The following RFC1 variants were observed in gnomAD, a reference collection of about 807,000 sequenced individuals.
RFC1 encodes A1 140 kDa subunit.
In RFC1, 37 loss-of-function variants were observed where a neutral mutation model predicts 137.4. The ratio of observed to expected loss-of-function variants is 0.27; its 90% confidence interval spans 0.21 to 0.35. RFC1 has a LOEUF of 0.35. Among genes scored for constraint, RFC1 ranks in the 10% least tolerant of loss-of-function variants. The pLI is 1.00. For missense variants in RFC1, 1,205 were observed against 1,358.5 expected, an observed-to-expected ratio of 0.89 and a Z score of 1.78; for synonymous variants, 429 against 455.7, an observed-to-expected ratio of 0.94 and a Z score of 0.75.
rs777645639 is a variant in RFC1, at chr4:39,302,489, A to T, written c.2436+11T>A. 1 of 1,559,986 alleles carries T rather than the reference A, an allele frequency of 6.4e-7. No homozygotes were observed. The highest frequency in any genetic ancestry group is 1.1e-5 in the South Asian group (1 of 89,416). ...AATCAACAACTGTTACATGATATATATTTAATTTACCTGTCTGATATCTTG... is the reference window on the plus strand; with the variant it reads ...AATCAACAACTGTTACATGATATATTTTTAATTTACCTGTCTGATATCTTG... On this transcript the variant is annotated intron_variant, in intron 18 of 24. Coordinates refer to ENST00000349703, the MANE Select transcript of RFC1 (RefSeq NM_002913.5).
At chr4:39,308,377 C>A (rs530745824) in intron 13 of RFC1, among the ~76,000 whole-genome samples, 5 of 152,308 alleles carry the variant, frequency 3.3e-5, no homozygotes, top group African/African-American at 1.2e-4. Flanking sequence ...CCTGGACTTA[C>A]CCCTCTAGCA....
At position 39,287,627 on chromosome 4, in the gene RFC1, T is replaced by C. The variant is rs1737440895; in HGVS notation, c.*1134A>G. 1 of 152,200 alleles carries C rather than the reference T, an allele frequency of 6.6e-6. No homozygotes were observed. The highest frequency in any genetic ancestry group is 2.1e-4 in the South Asian group (1 of 4,830). 9.4% of individuals were successfully genotyped at this position (152,200 alleles called of 1,614,324 possible). A position where few individuals can be genotyped will look rare whatever the true frequency, so the allele number is the denominator to read the frequency against. On this transcript the variant is annotated 3_prime_UTR_variant, in exon 25 of 25. Transcript: ENST00000349703. ...TCCTTATTTTACATTCATTTTAGTA[T>C]ATACCTCACAGAGGTAGCACAGACC...
At chr4:39,300,222 G>T in intron 20 of RFC1, 38 bp downstream of exon 20, 1 of 1,612,784 alleles carries the variant, frequency 6.2e-7, no homozygotes, top group Non-Finnish European at 8.5e-7. Context: ...CGCAGTGCTG[G>T]ATACTAAGCA....
At chr4:39,311,296 T>C in intron 12 of RFC1, 149 bp downstream of exon 12, 1 of 596,374 alleles carries the variant, frequency 1.7e-6, no homozygotes. Context: ...AGCAGAGTCT[T>C]CCAGCTCAAA....
chr4:39,364,390 T>C (rs1741919231), intron 1 of RFC1, among the ~76,000 whole-genome samples: 1 of 152,176 alleles, frequency 6.6e-6, no homozygotes, highest in African/African-American at 2.4e-5. Context: ...CTAAATTAAA[T>C]ATCAGTATAA....
At chr4:39,290,134 C>A (rs1737590581) in intron 23 of RFC1, 95 bp from the exon 24 acceptor site, 1 of 796,938 alleles carries the variant, frequency 1.3e-6, no homozygotes. Context: ...GAGCCCCCTG[C>A]AACTGTTTGC....
intron 1 of RFC1, among the ~76,000 whole-genome samples, chr4:39,356,888 A>G (rs748095914): frequency 4.6e-5 from 7 of 152,244 alleles, no homozygotes; most frequent in Non-Finnish European, 1.0e-4. Flanking sequence ...TGAGTGAAAT[A>G]TAAGTGTGGT....
rs765256510 is a variant in RFC1, at chr4:39,327,678, C to T, written c.410G>A (p.Gly137Glu). ...ENGRSTNSHLGTSNMKKNEEN... is the reference protein window; with the variant it reads ...ENGRSTNSHLETSNMKKNEEN... ...TTCATTCTTTTTCATGTTTGATGTT[C>T]CAAGATGACTATTTGTAGATCTTCC... Residue 137 changes from glycine to glutamate, a missense_variant, in exon 5 of 25, where the codon GGA becomes GAA. By Grantham distance (98) the Gly-to-Glu change is moderately conservative. Coordinates refer to ENST00000349703, the MANE Select transcript of RFC1 (RefSeq NM_002913.5). The T allele has an allele frequency of 1.2e-6, 2 of 1,613,376 alleles. No individual in the cohort carries two copies. Among genetic ancestry groups the T allele is most frequent in the Admixed American group, 3.3e-5 (2 of 59,954 alleles).
chr4:39,337,410 T>G (rs974957414), intron 4 of RFC1, among the ~76,000 whole-genome samples: 4 of 148,396 alleles, frequency 2.7e-5, no homozygotes, highest in African/African-American at 9.9e-5. Flanking sequence ...CTGTAGAAAT[T>G]TTACAATAAG....
chr4:39,288,671 T>G lies in RFC1; in HGVS notation c.*90A>C. The G allele has an allele frequency of 1.2e-6, 1 of 804,766 alleles. No individual in the cohort carries two copies. The highest frequency in any genetic ancestry group is 2.1e-6 in the Non-Finnish European group (1 of 470,426). The allele number at this position is 804,766 out of a possible 1,614,324, so 49.9% of individuals were successfully genotyped here. A position where few individuals can be genotyped will look rare whatever the true frequency, so the allele number is the denominator to read the frequency against. On this transcript the variant is annotated 3_prime_UTR_variant, in exon 25 of 25. Transcript: ENST00000349703. ...GTCATCCCATTATGCTAAAACATGG[T>G]TGCTCTGGGAAAAAACAAGGCTTTC... is the stretch of plus-strand genomic sequence containing the variant.
intron 22 of RFC1, among the ~76,000 whole-genome samples, chr4:39,295,302 C>G (rs1737924098): frequency 1.3e-5 from 2 of 152,122 alleles, no homozygotes; most frequent in Non-Finnish European, 2.9e-5. Context: ...GAAGCTATTC[C>G]CACTAATAGG....
chr4:39,355,464 G>A (rs149997262), intron 1 of RFC1, among the ~76,000 whole-genome samples: 1 of 151,764 alleles, frequency 6.6e-6, no homozygotes, highest in East Asian at 1.9e-4. Context: ...CTTGTAAAAG[G>A]GTTCCTACAA....
chr4:39,336,440 T>C (rs1740355164), intron 4 of RFC1, among the ~76,000 whole-genome samples: 1 of 152,258 alleles, frequency 6.6e-6, no homozygotes, highest in South Asian at 2.1e-4. Flanking sequence ...TCACTAAGCA[T>C]AAACCAAGGC....
chr4:39,329,626 T>C (rs529638650), intron 4 of RFC1, among the ~76,000 whole-genome samples: 40 of 151,730 alleles, frequency 2.6e-4, no homozygotes, highest in Non-Finnish European at 4.6e-4. Context: ...TAGCCCCAGC[T>C]ACTCAGGAGG....
intron 21 of RFC1, among the ~76,000 whole-genome samples, chr4:39,296,613 T>C (rs1238319872): frequency 6.6e-6 from 1 of 151,698 alleles, no homozygotes; most frequent in Non-Finnish European, 1.5e-5. Context: ...TAGTATTCCA[T>C]GGTATATATG....
intron 23 of RFC1, among the ~76,000 whole-genome samples, chr4:39,291,193 A>G (rs950369057): frequency 6.6e-6 from 1 of 152,218 alleles, no homozygotes; most frequent in Non-Finnish European, 1.5e-5. Context: ...ATTATTACAG[A>G]GAAGATTATC....
At position 39,344,526 on chromosome 4, in the gene RFC1, C is replaced by T. The variant is rs550432373; in HGVS notation, c.208+875G>A. 4.6e-5 allele frequency among the ~76,000 whole-genome samples: 7 copies of T among 152,228 alleles called. No homozygotes were observed. The South Asian group carries it at 1.5e-3, about 32-fold the overall frequency. Reference sequence around the variant, plus strand: ...CCTGTAATCCCAAGACTTTGAGAGGCCGAGGAAGGCGAATTGTTTGAGGCC... The same window carrying T: ...CCTGTAATCCCAAGACTTTGAGAGGTCGAGGAAGGCGAATTGTTTGAGGCC... On this transcript the variant is annotated intron_variant, in intron 3 of 24. Transcript: ENST00000349703.
At chr4:39,299,377 C>T (rs1428050955) in intron 21 of RFC1, among the ~76,000 whole-genome samples, 7 of 152,010 alleles carry the variant, frequency 4.6e-5, no homozygotes, top group African/African-American at 1.7e-4. Context: ...TCTTTAATTC[C>T]TCTAGTGCCG....
rs777062038 is a variant in RFC1 at position 39,327,662 on chromosome 4, T to C, written c.426A>G (p.Lys142=). 5 of 1,613,738 alleles carry C rather than the reference T, an allele frequency of 3.1e-6. No individual in the cohort carries two copies. The Admixed American group carries it at 5.0e-5, about 16-fold the overall frequency. ...TNSHLGTSNM[K]KNEENTKTKN... ...TGGTCTTAGTGTTTTCTTCATTCTT[T>C]TTCATGTTTGATGTTCCAAGATGAC... The change falls in exon 5 of 25, where the codon AAA becomes AAG. Residue 142 remains lysine, a synonymous_variant. Coordinates refer to ENST00000349703, the MANE Select transcript of RFC1 (RefSeq NM_002913.5).
Sources: gnomAD v4.1 joint callset for allele counts (sites outside exome capture counted in the v4.1 genomes callset) on GRCh38, gnomAD v4.1.1 for gene constraint, MANE v1.5 for transcripts, NCBI Gene and HGNC (gene_info 2026-07-23, HGNC 2026-07-21) for gene names.